Variants in SOBP observed in about 807,000 individuals in gnomAD.
SOBP encodes sine oculis-binding protein homolog.
A neutral mutation model predicts 53.6 loss-of-function variants in SOBP; 4 were observed. The ratio of observed to expected loss-of-function variants is 0.07; its 90% CI spans 0.04 to 0.17. SOBP has a LOEUF of 0.17. Ranked by LOEUF, SOBP falls within the 10% of genes least tolerant of loss-of-function variation. The pLI, the probability that SOBP is intolerant of heterozygous loss-of-function variation, is 1.00. For synonymous variants in SOBP, 584 were observed against 522.6 expected (o/e 1.12, Z -1.60); for missense variants, 1,088 against 1,204.7 (o/e 0.90, Z 1.43).
chr6:107,504,123 G>C (rs528587847), intron 2 of SOBP, among the ~76,000 whole-genome samples: 76 of 152,348 alleles, frequency 5.0e-4, no homozygotes, highest in African/African-American at 1.7e-3. Context: ...CACTTTGATA[G>C]ATCATCATCT....
At chr6:107,641,239 G>C (rs1254099506) in intron 6 of SOBP, among the ~76,000 whole-genome samples, 2 of 152,210 alleles carry the variant, frequency 1.3e-5, no homozygotes, top group East Asian at 3.8e-4. Context: ...CAGAATCAAA[G>C]TTGGAGCTAC....
At chr6:107,570,430 A>G (rs750032408) in intron 4 of SOBP, among the ~76,000 whole-genome samples, 4 of 152,208 alleles carry the variant, frequency 2.6e-5, no homozygotes, top group Non-Finnish European at 4.4e-5. Flanking sequence ...TTGAATCACC[A>G]CCTTCCTTGG....
Position 107,635,333 on chromosome 6 carries a change from C to A in SOBP, c.2489C>A (p.Pro830His), listed in dbSNP as rs938039137. The stretch of plus-strand genomic sequence containing the variant: ...CCCAAGACCGGCTGCGTGATCCAGC[C>A]TGTGCCAAAACCCGCGGAGAAGGCT... ...MLPKTGCVIQ[P>H]VPKPAEKAAM... Residue 830 changes from proline (P) to histidine (H), a missense_variant, in exon 6 of 7, where the codon CCT (proline) becomes CAT (histidine). This residue lies in a region of SOBP where 665 missense variants were observed against 629.7 expected (regional missense o/e 1.06). Transcript: ENST00000317357. The surrounding 1 kb of genome is among the most constrained non-coding windows in gnomAD (Gnocchi z 4.5). 1 of 1,613,728 alleles carries A rather than the reference C, an allele frequency of 6.2e-7. No individual in the cohort carries two copies. Among genetic ancestry groups the A allele is most frequent in the East Asian group, 2.2e-5 (1 of 44,866 alleles).
chr6:107,493,489 C>T (rs544774708), intron 1 of SOBP, among the ~76,000 whole-genome samples: 5 of 152,214 alleles, frequency 3.3e-5, no homozygotes, highest in African/African-American at 7.2e-5. Context: ...CAGGAGGAGG[C>T]CCCCCTTAGG....
intron 5 of SOBP, among the ~76,000 whole-genome samples, chr6:107,612,016 C>T (rs1252979872): frequency 1.3e-5 from 2 of 152,196 alleles, no homozygotes; most frequent in Admixed American, 1.3e-4. Flanking sequence ...CTGGCACACA[C>T]GTTCTTTTGA....
intron 3 of SOBP, 146 bp from the exon 4 acceptor site, chr6:107,533,307 AAGAGAG>A (rs1173985012): frequency 4.5e-6 from 2 of 442,544 alleles, no homozygotes; most frequent in Non-Finnish European, 3.9e-6. Context: ...GAGAGAGAGA[AAGAGAG>A]AGAGAGAGAG....
At chr6:107,628,217 G>C (rs1770547429) in intron 5 of SOBP, among the ~76,000 whole-genome samples, 1 of 152,194 alleles carries the variant, frequency 6.6e-6, no homozygotes, top group Admixed American at 6.6e-5. Flanking sequence ...GCCTGAATTA[G>C]AAAATGACTG....
chr6:107,647,998 A>C (rs1404585014), intron 6 of SOBP, among the ~76,000 whole-genome samples: 1 of 152,196 alleles, frequency 6.6e-6, no homozygotes, highest in African/African-American at 2.4e-5. Flanking sequence ...TGGCATTTGT[A>C]CTAATATGAA....
At chr6:107,632,538 C>T (rs906243126) in intron 5 of SOBP, among the ~76,000 whole-genome samples, 5 of 152,218 alleles carry the variant, frequency 3.3e-5, no homozygotes, top group African/African-American at 1.2e-4. Context: ...TAGATCATGT[C>T]TTCACCATCT....
intron 6 of SOBP, among the ~76,000 whole-genome samples, chr6:107,657,052 T>C (rs1279528284): frequency 6.6e-6 from 1 of 152,196 alleles, no homozygotes; most frequent in Non-Finnish European, 1.5e-5. Context: ...TCAAAGTGTG[T>C]CGAGCGCCCA....
intron 4 of SOBP, among the ~76,000 whole-genome samples, chr6:107,576,942 A>C (rs910408925): frequency 1.3e-5 from 2 of 152,212 alleles, no homozygotes; most frequent in African/African-American, 4.8e-5. Flanking sequence ...TATTGCTGTT[A>C]GTTGAGAATT....
intron 3 of SOBP, chr6:107,511,804 G>C (rs1026534736): frequency 6.6e-6 from 1 of 152,194 alleles, no homozygotes; most frequent in Non-Finnish European, 1.5e-5. Flanking sequence ...GGCCACACAT[G>C]TGTGCATTCA....
Position 107,587,112 on chromosome 6 carries a change from T to C in SOBP, c.606T>C (p.Phe202=). 1 of 1,613,718 alleles carries C rather than the reference T, an allele frequency of 6.2e-7. No individual in the cohort carries two copies. The highest frequency in any genetic ancestry group is 1.1e-5 in the South Asian group (1 of 91,076). Residue 202 remains phenylalanine (F), a synonymous_variant, in exon 5 of 7, where the codon TTT becomes TTC. Transcript: ENST00000317357. ...ARDEDGHAEN[F]PQQHYAKETP... is the part of the protein sequence containing the mutation. ...ATGAAGATGGACATGCTGAAAATTT[T>C]CCCCAGCAGCACTATGCTAAGGAAA...
At chr6:107,551,874 A>G (rs1302495564) in intron 4 of SOBP, among the ~76,000 whole-genome samples, 1 of 152,150 alleles carries the variant, frequency 6.6e-6, no homozygotes, top group Non-Finnish European at 1.5e-5. Context: ...TACAAAAATT[A>G]GCTGGGCATG....
chr6:107,504,760 A>C (rs1782934985), intron 2 of SOBP, among the ~76,000 whole-genome samples: 2 of 152,264 alleles, frequency 1.3e-5, no homozygotes, highest in South Asian at 4.1e-4. Context: ...CCCTGCAGGC[A>C]AGTGGAATTG....
Position 107,634,699 on chromosome 6 carries a change from G to A in SOBP, c.1855G>A (p.Glu619Lys), listed in dbSNP as rs1028143956. 2 of 1,509,608 alleles carry A rather than the reference G, an allele frequency of 1.3e-6. No individual in the cohort carries two copies. Among genetic ancestry groups the A allele is most frequent in the Admixed American group, 4.1e-5 (2 of 48,726 alleles). The allele number at this position is 1,509,608 out of a possible 1,614,324, so 93.5% of individuals were successfully genotyped here. ...APTPAEHGRSEVVDLTRRAGS... is the reference protein window; with the variant it reads ...APTPAEHGRSKVVDLTRRAGS... ...CACGCCCGCCGAGCATGGCCGGAGC[G>A]AGGTGGTGGACCTGACGCGGCGCGC... is the stretch of plus-strand genomic sequence containing the variant. Residue 619 changes from glutamate (E) to lysine (K), a missense_variant, in exon 6 of 7, where the codon GAG becomes AAG. Coordinates refer to ENST00000317357, the MANE Select transcript of SOBP (RefSeq NM_018013.4). The surrounding 1 kb of genome is among the most constrained non-coding windows in gnomAD (Gnocchi z 4.5).
intron 5 of SOBP, among the ~76,000 whole-genome samples, chr6:107,587,661 C>T (rs988339700): frequency 1.3e-5 from 2 of 152,116 alleles, no homozygotes; most frequent in African/African-American, 4.8e-5. Flanking sequence ...TTAATCGTCT[C>T]TCCTATGCAG....
chr6:107,548,468 T>G (rs943192784), intron 4 of SOBP, among the ~76,000 whole-genome samples: 3 of 152,054 alleles, frequency 2.0e-5, no homozygotes, highest in East Asian at 3.9e-4. Flanking sequence ...GGTCTCCATC[T>G]CCTGACCTCG....
intron 1 of SOBP, among the ~76,000 whole-genome samples, chr6:107,494,173 G>C (rs866000359): frequency 6.6e-6 from 1 of 152,130 alleles, no homozygotes; most frequent in Admixed American, 6.5e-5. Context: ...TTAATTAGTG[G>C]CTAGTAGAAT....
Sources: allele counts gnomAD v4.1 joint callset (sites outside exome capture counted in the v4.1 genomes callset), GRCh38; gene constraint gnomAD v4.1.1; regional missense constraint gnomAD v4.1.1; non-coding constraint Gnocchi (gnomAD v3.1); transcripts MANE v1.5; gene names NCBI Gene and HGNC (gene_info 2026-07-23, HGNC 2026-07-21).